HS6ST3: variants seen among roughly 807,000 people sequenced by gnomAD.
HS6ST3 encodes heparan-sulfate 6-O-sulfotransferase 3.
HS6ST3 carries 12 observed loss-of-function variants against 36.7 expected under a neutral mutation model. That is an observed-to-expected ratio of 0.33 (90% confidence interval 0.21 to 0.53). HS6ST3 has a LOEUF of 0.53. HS6ST3 is among the 20% of genes least tolerant of loss of function. The pLI is 0.95. For missense variants in HS6ST3, 584 were observed against 640.9 expected (o/e 0.91, Z 0.96); for synonymous variants, 240 against 257.5 (o/e 0.93, Z 0.65).
At position 96,090,856 on chromosome 13, in the gene HS6ST3, C is replaced by G; in HGVS notation, c.-7C>G. 5 of 1,502,408 alleles carry G rather than the reference C, an allele frequency of 3.3e-6. No individual in the cohort carries two copies. Among genetic ancestry groups the G allele is most frequent in the Non-Finnish European group, 4.5e-6 (5 of 1,120,482 alleles). 93.1% of individuals were successfully genotyped at this position (1,502,408 alleles called of 1,614,324 possible). On this transcript the variant is annotated 5_prime_UTR_variant, in exon 1 of 2. Transcript: ENST00000376705. ...GCCGCTTCGCCTGCCGGCCTGAGAG[C>G]GGGACCATGGATGAAAGGTTCAACA...
intron 1 of HS6ST3, among the ~76,000 whole-genome samples, chr13:96,438,403 A>G (rs2055653548): frequency 6.6e-6 from 1 of 152,220 alleles, no homozygotes; most frequent in Non-Finnish European, 1.5e-5. Flanking sequence ...TAAGGTCCAG[A>G]AGGGTGCAAT....
chr13:96,154,691 A>G (rs2054102412), intron 1 of HS6ST3, among the ~76,000 whole-genome samples: 1 of 152,180 alleles, frequency 6.6e-6, no homozygotes, highest in Admixed American at 6.5e-5. Context: ...AGAAATAACC[A>G]TTCTCTGTAA....
intron 1 of HS6ST3, among the ~76,000 whole-genome samples, chr13:96,516,642 C>A (rs1001519696): frequency 6.6e-6 from 1 of 152,090 alleles, no homozygotes; most frequent in Non-Finnish European, 1.5e-5. Context: ...CATAAAACAG[C>A]AGAAAACTCT....
At position 96,154,916 on chromosome 13, in the gene HS6ST3, C is replaced by T. The variant is rs2054103330; in HGVS notation, c.707+63347C>T. ...TATTTATACCTGTAGACTCCCAATTCTGTCTTTGGAAATTAAAGCTAAGAA... is the reference window on the plus strand; with the variant it reads ...TATTTATACCTGTAGACTCCCAATTTTGTCTTTGGAAATTAAAGCTAAGAA... On this transcript the variant is annotated intron_variant, in intron 1 of 1. Coordinates refer to ENST00000376705, the MANE Select transcript of HS6ST3 (RefSeq NM_153456.4). 1.3e-5 allele frequency among the ~76,000 whole-genome samples: 2 copies of T among 152,036 alleles called. 1 individual carries two copies. The highest frequency in any genetic ancestry group is 4.1e-4 in the South Asian group (2 of 4,824).
Position 96,836,253 on chromosome 13 carries a change from T to C in HS6ST3, c.*3055T>C, listed in dbSNP as rs1164639542. On this transcript the variant is annotated 3_prime_UTR_variant, in exon 2 of 2. Transcript: ENST00000376705. The stretch of plus-strand genomic sequence containing the variant: ...ATGACCCTATTGACTCCTACAGTTC[T>C]TTCCCTTCTCTTGGCAATGGAAGCT... The C allele has an allele frequency of 6.6e-6, 1 of 152,264 alleles. No individual in the cohort carries two copies. Among genetic ancestry groups the C allele is most frequent in the Non-Finnish European group, 1.5e-5 (1 of 68,050 alleles). The allele number at this position is 152,264 out of a possible 1,614,324, so 9.4% of individuals were successfully genotyped here.
intron 1 of HS6ST3, among the ~76,000 whole-genome samples, chr13:96,131,103 T>C (rs2053973515): frequency 6.6e-6 from 1 of 152,180 alleles, no homozygotes. Context: ...TTTCCTCAGC[T>C]CACTGCCCTC....
intron 1 of HS6ST3, among the ~76,000 whole-genome samples, chr13:96,325,642 G>A (rs980611838): frequency 6.6e-6 from 1 of 152,124 alleles, no homozygotes; most frequent in Non-Finnish European, 1.5e-5. Flanking sequence ...AAGGATTTTG[G>A]TATCCTTGGG....
At chr13:96,653,825 A>G (rs1180282536) in intron 1 of HS6ST3, among the ~76,000 whole-genome samples, 2 of 152,202 alleles carry the variant, frequency 1.3e-5, no homozygotes, top group African/African-American at 2.4e-5. Flanking sequence ...ATTCCCACCA[A>G]CAGTGTAAAA....
chr13:96,479,734 T>C (rs2055881341), intron 1 of HS6ST3, among the ~76,000 whole-genome samples: 1 of 152,216 alleles, frequency 6.6e-6, no homozygotes, highest in African/African-American at 2.4e-5. Context: ...CACATCTCTG[T>C]AGCTTAACAA....
chr13:96,449,252 G>A (rs1330335427), intron 1 of HS6ST3, among the ~76,000 whole-genome samples: 1 of 152,140 alleles, frequency 6.6e-6, no homozygotes, highest in Non-Finnish European at 1.5e-5. Context: ...TTGAGCCACT[G>A]TGCCTGGCAT....
chr13:96,709,662 C>T lies in HS6ST3; in HGVS notation c.708-122828C>T, dbSNP rs561499854. On this transcript the variant is annotated intron_variant, in intron 1 of 1. Coordinates refer to ENST00000376705, the MANE Select transcript of HS6ST3 (RefSeq NM_153456.4). ...CTGTCTATAAATCGGAAGGAGGCCT[C>T]GCACCAAGAACCCAACCATGCTGGT... is the stretch of plus-strand genomic sequence containing the variant. Among the ~76,000 whole-genome samples, 235 of 152,206 alleles carry T rather than the reference C, an allele frequency of 1.5e-3. 1 individual carries two copies. The highest frequency in any genetic ancestry group is 5.3e-3 in the African/African-American group (222 of 41,534).
In HS6ST3 at chr13:96,694,134, C is replaced by T. The variant is rs1186711115; in HGVS notation, c.708-138356C>T. On this transcript the variant is annotated intron_variant, in intron 1 of 1. Coordinates refer to ENST00000376705, the MANE Select transcript of HS6ST3 (RefSeq NM_153456.4). The stretch of plus-strand genomic sequence containing the variant: ...AGTCACCCAAGTATTAAGCCTAGTA[C>T]GTATTAGTTATTTTTCCTGATCCTT... 5.3e-5 allele frequency among the ~76,000 whole-genome samples: 8 copies of T among 152,154 alleles called. No individual in the cohort carries two copies. The East Asian group carries it at 1.2e-3, about 22-fold the overall frequency.
At chr13:96,363,556 C>T (rs1445917232) in intron 1 of HS6ST3, among the ~76,000 whole-genome samples, 1 of 152,140 alleles carries the variant, frequency 6.6e-6, no homozygotes, top group Non-Finnish European at 1.5e-5. Context: ...GCCTTTATGC[C>T]AATCCATACT....
At chr13:96,171,888 C>T (rs547886762) in intron 1 of HS6ST3, among the ~76,000 whole-genome samples, 3 of 150,308 alleles carry the variant, frequency 2.0e-5, no homozygotes, top group South Asian at 4.2e-4. Flanking sequence ...TCACAAACCT[C>T]GTGTTCTAAT....
chr13:96,525,213 T>G (rs2056109092), intron 1 of HS6ST3, among the ~76,000 whole-genome samples: 1 of 152,296 alleles, frequency 6.6e-6, no homozygotes, highest in East Asian at 1.9e-4. Flanking sequence ...CTCACACTAG[T>G]TTTCCACAGG....
At chr13:96,777,856 G>A (rs965138746) in intron 1 of HS6ST3, among the ~76,000 whole-genome samples, 1 of 152,050 alleles carries the variant, frequency 6.6e-6, no homozygotes, top group Non-Finnish European at 1.5e-5. Flanking sequence ...AAAAGAGCTC[G>A]TATAGCCAAG....
At chr13:96,530,079 A>G (rs1342483710) in intron 1 of HS6ST3, among the ~76,000 whole-genome samples, 2 of 152,250 alleles carry the variant, frequency 1.3e-5, no homozygotes, top group African/African-American at 4.8e-5. Context: ...AAAATGAGGC[A>G]TTTATAGGCA....
intron 1 of HS6ST3, among the ~76,000 whole-genome samples, chr13:96,610,628 G>T (rs560183337): frequency 1.8e-4 from 27 of 152,172 alleles, no homozygotes; most frequent in Admixed American, 1.2e-3. Flanking sequence ...TCCATCAGAC[G>T]GTAAAGTATG....
Position 96,654,634 on chromosome 13 carries a change from A to T in HS6ST3, c.708-177856A>T, listed in dbSNP as rs923588620. 1.2e-4 allele frequency among the ~76,000 whole-genome samples: 19 copies of T among 152,168 alleles called. 1 individual carries two copies. The South Asian group carries it at 1.5e-3, about 12-fold the overall frequency. ...CAGCCTTGTAGTACAGTTTGAAGTC[A>T]GGTAGCGTGATGCCTCCAGCTTTGT... On this transcript the variant is annotated intron_variant, in intron 1 of 1. Transcript: ENST00000376705.
Sources: gnomAD v4.1 joint callset for allele counts (sites outside exome capture counted in the v4.1 genomes callset) on GRCh38, gnomAD v4.1.1 for gene constraint, MANE v1.5 for transcripts, NCBI Gene and HGNC (gene_info 2026-07-23, HGNC 2026-07-21) for gene names.